HTR2C: variants seen among roughly 807,000 people sequenced by gnomAD.
HTR2C encodes the protein 5-hydroxytryptamine receptor 2C.
In HTR2C, 5 loss-of-function variants were observed where a neutral mutation model predicts 21.0. The observed-to-expected ratio is 0.24, with a 90% CI of 0.12 to 0.50. HTR2C has a LOEUF of 0.50. HTR2C is among the 20% of genes least tolerant of loss of function. The pLI, the probability that HTR2C is intolerant of heterozygous loss-of-function variation, is 0.98. For synonymous variants in HTR2C, 150 were observed against 145.3 expected (o/e 1.03, Z -0.23); for missense variants, 271 against 371.2 (o/e 0.73, Z 2.22).
chrX:114,617,808 T>G (rs1929007458), intron 2 of HTR2C, among the ~76,000 whole-genome samples: 1 of 112,053 alleles, frequency 8.9e-6, no homozygotes, highest in African/African-American at 3.2e-5. Context: ...ATATAGCACA[T>G]GTATTTTATA....
At chrX:114,604,017 T>C (rs782511195) in intron 1 of HTR2C, among the ~76,000 whole-genome samples, 1 of 105,874 alleles carries the variant, frequency 9.4e-6, no homozygotes, top group Non-Finnish European at 1.9e-5. Flanking sequence ...GGCTTTAATC[T>C]TTTTAAGGCG....
intron 1 of HTR2C, among the ~76,000 whole-genome samples, chrX:114,588,687 AT>A (rs1556390338): frequency 8.9e-6 from 1 of 112,185 alleles, no homozygotes; most frequent in East Asian, 2.8e-4. Flanking sequence ...CAGTGTTCAA[AT>A]CTTTTGCAAG....
chrX:114,596,853 G>A (rs1246179774), intron 1 of HTR2C, among the ~76,000 whole-genome samples: 4 of 111,403 alleles, frequency 3.6e-5, no homozygotes, highest in African/African-American at 1.3e-4. Flanking sequence ...TTAACTTGTG[G>A]TACTCCAGCC....
At chrX:114,595,518 C>T (rs996698387) in intron 1 of HTR2C, among the ~76,000 whole-genome samples, 8 of 110,659 alleles carry the variant, frequency 7.2e-5, no homozygotes, top group African/African-American at 2.3e-4. Flanking sequence ...CCACCATGCT[C>T]GGCCCTAAAA....
At chrX:114,786,707 T>C (rs1228898531) in intron 4 of HTR2C, among the ~76,000 whole-genome samples, 1 of 111,214 alleles carries the variant, frequency 9.0e-6, no homozygotes, top group Non-Finnish European at 1.9e-5. Flanking sequence ...GTTAGGGAGT[T>C]GAATATTAGC....
intron 1 of HTR2C, among the ~76,000 whole-genome samples, chrX:114,593,878 T>C (rs1927730123): frequency 1.8e-5 from 2 of 111,895 alleles, no homozygotes; most frequent in Admixed American, 9.6e-5. Flanking sequence ...CCCAGAAGAT[T>C]AATGGTTATG....
chrX:114,806,610 T>TATATACACCAC (rs1170388914), intron 4 of HTR2C, among the ~76,000 whole-genome samples: 7 of 96,688 alleles, frequency 7.2e-5, no homozygotes, highest in African/African-American at 2.6e-4. Context: ...ATATACACCA[T>TATATACACCAC]ATATACACCA....
intron 2 of HTR2C, among the ~76,000 whole-genome samples, chrX:114,653,558 C>T (rs1432145323): frequency 1.8e-5 from 2 of 110,612 alleles, no homozygotes; most frequent in African/African-American, 3.3e-5. Flanking sequence ...TTCTCATCCC[C>T]TTTTCATGCA....
At chrX:114,806,260 C>T (rs1367698437) in intron 4 of HTR2C, among the ~76,000 whole-genome samples, 1 of 97,960 alleles carries the variant, frequency 1.0e-5, no homozygotes, top group Non-Finnish European at 2.0e-5. Context: ...ATATACACCA[C>T]ATATATACAC....
intron 2 of HTR2C, among the ~76,000 whole-genome samples, chrX:114,678,270 G>GACACACACACACACACAC (rs200416814): frequency 3.3e-4 from 33 of 100,240 alleles, no homozygotes; most frequent in African/African-American, 1.1e-3. Context: ...CTCTCTGTCT[G>GACACACACACACACACAC]ACACACACAC....
intron 1 of HTR2C, among the ~76,000 whole-genome samples, chrX:114,601,544 T>C (rs1183700243): frequency 2.8e-5 from 3 of 108,082 alleles, no homozygotes; most frequent in African/African-American, 1.0e-4. Flanking sequence ...CAAGGTAATG[T>C]TATCACTTAA....
intron 2 of HTR2C, among the ~76,000 whole-genome samples, chrX:114,624,429 A>G (rs2147812713): frequency 8.9e-6 from 1 of 112,294 alleles, no homozygotes; most frequent in African/African-American, 3.2e-5. Flanking sequence ...ATATAAAAGC[A>G]CAAATGAATT....
At chrX:114,791,960 C>G (rs2044550673) in intron 4 of HTR2C, among the ~76,000 whole-genome samples, 1 of 111,526 alleles carries the variant, frequency 9.0e-6, no homozygotes, top group South Asian at 3.7e-4. Context: ...TGACCATGTG[C>G]ATCAGAATTT....
At chrX:114,901,710 T>A (rs1277887845) in intron 5 of HTR2C, among the ~76,000 whole-genome samples, 3 of 111,576 alleles carry the variant, frequency 2.7e-5, no homozygotes, top group Non-Finnish European at 5.7e-5. Flanking sequence ...TGAAATATAT[T>A]TGACAGTTTA....
chrX:114,585,511 G>A (rs182515042), intron 1 of HTR2C, among the ~76,000 whole-genome samples: 137 of 111,657 alleles, frequency 1.2e-3, no homozygotes, highest in African/African-American at 4.2e-3. Flanking sequence ...CCTCGGAATT[G>A]CTAAACATGA....
At chrX:114,763,133 A>G (rs1321640207) in intron 4 of HTR2C, 1 of 125,283 alleles carries the variant, frequency 8.0e-6, no homozygotes. Flanking sequence ...GGCATTCATC[A>G]TCTCCCACTG....
intron 5 of HTR2C, among the ~76,000 whole-genome samples, chrX:114,871,715 G>C (rs1490557751): frequency 9.2e-6 from 1 of 108,684 alleles, no homozygotes; most frequent in Non-Finnish European, 1.9e-5. Context: ...TTTTTTGCAA[G>C]AATGTTTGAA....
chrX:114,804,623 G>A (rs1387086561), intron 4 of HTR2C, among the ~76,000 whole-genome samples: 1 of 111,985 alleles, frequency 8.9e-6, no homozygotes, highest in Non-Finnish European at 1.9e-5. Flanking sequence ...TACACCAGAA[G>A]ACTGTAGAAT....
intron 2 of HTR2C, among the ~76,000 whole-genome samples, chrX:114,629,331 A>G (rs1407841593): frequency 1.8e-5 from 2 of 111,337 alleles, no homozygotes; most frequent in Admixed American, 1.9e-4. Flanking sequence ...CCTCCTCTTC[A>G]TTTTTTAAAA....
Sources: gnomAD v4.1 joint callset for allele counts (sites outside exome capture counted in the v4.1 genomes callset) on GRCh38, gnomAD v4.1.1 for gene constraint, MANE v1.5 for transcripts, NCBI Gene and HGNC (gene_info 2026-07-23, HGNC 2026-07-21) for gene names.